Variants in ADGRA1 observed in about 807,000 individuals in gnomAD.
ADGRA1 encodes the protein G-protein coupled receptor 123.
ADGRA1 carries 12 observed loss-of-function variants against 21.3 expected under a neutral mutation model. The observed-to-expected ratio is 0.56, with a 90% CI of 0.36 to 0.91. The LOEUF (loss-of-function observed/expected upper bound fraction) is 0.91. Among genes scored for constraint, ADGRA1 ranks in the 40% least tolerant of loss-of-function variants. The probability of loss-of-function intolerance (pLI) is 0.01; values close to 1 mark genes in which losing one functional copy is unlikely to be tolerated. For missense variants in ADGRA1, 790 were observed against 805.6 expected (o/e 0.98, Z 0.23); for synonymous variants, 385 against 368.8 (o/e 1.04, Z -0.50).
In ADGRA1 at chr10:133,128,482, G is replaced by T; in HGVS notation, c.654G>T (p.Gln218His). The T allele has an allele frequency of 6.4e-7, 1 of 1,564,106 alleles. No individual in the cohort carries two copies. ...AGCTGCGCACACAGCCCGAGGAGCA[G>T]CGGCGGCTGGCGACACCCGAGGGCG... is the stretch of plus-strand genomic sequence containing the variant. ...RYELRTQPEE[Q>H]RRLATPEGGR... The change falls in exon 7 of 7, where the codon CAG (glutamine) becomes CAT (histidine). Residue 218 changes from glutamine (Q) to histidine (H), a missense_variant. This residue lies in a region of ADGRA1 where 382 missense variants were observed against 415.6 expected (regional missense o/e 0.92). Coordinates refer to ENST00000392607, the MANE Select transcript of ADGRA1 (RefSeq NM_001083909.3).
intron 5 of ADGRA1, among the ~76,000 whole-genome samples, chr10:133,119,539 G>A (rs1371084092): frequency 2.0e-5 from 3 of 152,192 alleles, no homozygotes; most frequent in African/African-American, 7.2e-5. Context: ...CTCAAACTCT[G>A]CCACGGCTTG....
intron 5 of ADGRA1, among the ~76,000 whole-genome samples, chr10:133,114,985 C>T (rs1410951197): frequency 2.0e-5 from 3 of 152,218 alleles, no homozygotes; most frequent in African/African-American, 2.4e-5. Flanking sequence ...CTCAGTGCAT[C>T]GAAGGCCCCC....
Position 133,128,850 on chromosome 10 carries a change from C to T in ADGRA1, c.1022C>T (p.Ala341Val). The T allele has an allele frequency of 6.3e-7, 1 of 1,586,394 alleles. No homozygotes were observed. The highest frequency in any genetic ancestry group is 1.3e-5 in the African/African-American group (1 of 74,288). The change falls in exon 7 of 7, where the codon GCC becomes GTC. Residue 341 changes from alanine (A) to valine (V), a missense_variant. Coordinates refer to ENST00000392607, the MANE Select transcript of ADGRA1 (RefSeq NM_001083909.3). The part of the protein sequence containing the change: ...LDANGAALGR[A>V]ACLHSPGLGQ... ...GCCAACGGGGCCGCGCTGGGCCGCG[C>T]CGCCTGCCTGCACTCGCCGGGACTG...
At chr10:133,088,660 T>A in intron 1 of ADGRA1, 48 bp from the exon 2 acceptor site, 1 of 1,172,618 alleles carries the variant, frequency 8.5e-7, no homozygotes, top group Non-Finnish European at 1.1e-6. Context: ...CGAGCTGCCC[T>A]CCGCGGGGAC....
chr10:133,128,995 C>T lies in ADGRA1; in HGVS notation c.1167C>T (p.Cys389=), dbSNP rs912367724. The change falls in exon 7 of 7, where the codon TGC becomes TGT. Residue 389 remains cysteine (C), a synonymous_variant. Coordinates refer to ENST00000392607, the MANE Select transcript of ADGRA1 (RefSeq NM_001083909.3). ...CCCCGTGCTGCGCCAAGATGCACTG[C>T]GAGCCACTGACGGCGGACGAGGCGC... ...PATPCCAKMH[C]EPLTADEAHV... is the part of the protein sequence containing the mutation. The T allele has an allele frequency of 5.7e-6, 9 of 1,566,434 alleles. No homozygotes were observed. Among genetic ancestry groups the T allele is most frequent in the South Asian group, 1.2e-5 (1 of 85,708 alleles).
At chr10:133,109,761 G>A (rs1344429908) in intron 5 of ADGRA1, among the ~76,000 whole-genome samples, 3 of 152,226 alleles carry the variant, frequency 2.0e-5, no homozygotes, top group African/African-American at 4.8e-5. Flanking sequence ...ACCAGAAAGA[G>A]ACAAACGGCA....
At chr10:133,121,902 G>A (rs1852274046) in intron 5 of ADGRA1, among the ~76,000 whole-genome samples, 1 of 147,898 alleles carries the variant, frequency 6.8e-6, no homozygotes, top group African/African-American at 2.5e-5. Context: ...GTGCGTGCAA[G>A]TGTGAGTGCC....
At chr10:133,090,481 A>T (rs1337686226) in intron 2 of ADGRA1, among the ~76,000 whole-genome samples, 1 of 152,190 alleles carries the variant, frequency 6.6e-6, no homozygotes, top group East Asian at 1.9e-4. Flanking sequence ...AAAATCTCTG[A>T]AAGTGTGAGG....
rs780675349 is a variant in ADGRA1 at position 133,127,229 on chromosome 10, G to T, written c.402-4G>T. The T allele has an allele frequency of 1.3e-6, 2 of 1,569,882 alleles. No homozygotes were observed. The highest frequency in any genetic ancestry group is 1.7e-6 in the Non-Finnish European group (2 of 1,160,364). ...AAGGGGGTCAACGCCTTCCTCCCCG[G>T]CAGGTTTTACCTCGTCAGCGGAGGG... On this transcript the variant is annotated splice_polypyrimidine_tract_variant and splice_region_variant and intron_variant, in intron 5 of 6. Coordinates refer to ENST00000392607, the MANE Select transcript of ADGRA1 (RefSeq NM_001083909.3).
chr10:133,111,108 AATCCTGCTGGC>A (rs1851983653), intron 5 of ADGRA1, among the ~76,000 whole-genome samples: 1 of 151,438 alleles, frequency 6.6e-6, no homozygotes, highest in East Asian at 1.9e-4. Context: ...CTCCCCTCCT[AATCCTGCTGGC>A]CACCTGCCCG....
chr10:133,105,841 G>A (rs1207248106), intron 5 of ADGRA1, among the ~76,000 whole-genome samples: 2 of 152,214 alleles, frequency 1.3e-5, no homozygotes, highest in East Asian at 1.9e-4. Context: ...CAGCCTCTGC[G>A]GCCCGAACGT....
intron 5 of ADGRA1, among the ~76,000 whole-genome samples, chr10:133,110,547 G>A (rs1002108146): frequency 2.6e-5 from 4 of 152,246 alleles, no homozygotes; most frequent in Non-Finnish European, 5.9e-5. Flanking sequence ...GCACAGGGTC[G>A]AATGTTCAGA....
Position 133,127,228 on chromosome 10 carries a change from G to A in ADGRA1, c.402-5G>A, listed in dbSNP as rs922494176. The stretch of plus-strand genomic sequence containing the variant: ...CAAGGGGGTCAACGCCTTCCTCCCC[G>A]GCAGGTTTTACCTCGTCAGCGGAGG... On this transcript the variant is annotated splice_polypyrimidine_tract_variant and splice_region_variant and intron_variant, in intron 5 of 6. Transcript: ENST00000392607. 46 of 1,568,668 alleles carry A rather than the reference G, an allele frequency of 2.9e-5. No individual in the cohort carries two copies. Among genetic ancestry groups the A allele is most frequent in the African/African-American group, 1.1e-4 (8 of 72,238 alleles).
intron 1 of ADGRA1, 188 bp from the exon 2 acceptor site, chr10:133,088,520 C>T (rs1044190998): frequency 4.1e-6 from 1 of 242,990 alleles, no homozygotes; most frequent in Middle Eastern, 1.3e-3. Context: ...GCCGCTGGCG[C>T]GTTCGGTCCG....
chr10:133,127,011 G>GC (rs1300209388), intron 5 of ADGRA1, among the ~76,000 whole-genome samples: 1 of 150,196 alleles, frequency 6.7e-6, no homozygotes, highest in Non-Finnish European at 1.5e-5. Flanking sequence ...CCTGGTCAGG[G>GC]CCCTCTCCAG....
At chr10:133,101,020 C>T (rs936788566) in intron 4 of ADGRA1, among the ~76,000 whole-genome samples, 7 of 152,352 alleles carry the variant, frequency 4.6e-5, no homozygotes, top group African/African-American at 9.6e-5. Context: ...CTCTGCGAGG[C>T]GAACAGAAGC....
chr10:133,088,789 C>A lies in ADGRA1; in HGVS notation c.-121C>A, dbSNP rs898474026. ...CCCGGGAGCGCGACCTCCTGGCCGC[C>A]GTCTGGGACTTTGACCTTCCAGAGG... On this transcript the variant is annotated 5_prime_UTR_variant, in exon 2 of 7. Transcript: ENST00000392607. 1.6e-6 allele frequency: 2 copies of A among 1,232,558 alleles called. No individual in the cohort carries two copies. The highest frequency in any genetic ancestry group is 1.5e-5 in the African/African-American group (1 of 64,548). 76.4% of individuals were successfully genotyped at this position (1,232,558 alleles called of 1,614,324 possible).
At chr10:133,099,555 T>C (rs1328832064) in intron 4 of ADGRA1, among the ~76,000 whole-genome samples, 1 of 152,040 alleles carries the variant, frequency 6.6e-6, no homozygotes, top group Non-Finnish European at 1.5e-5. Flanking sequence ...GACCTTGGTT[T>C]AAAAGGGGGG....
Position 133,129,858 on chromosome 10 carries a change from G to A in ADGRA1, c.*347G>A. Reference sequence around the variant, plus strand: ...GGGGCACCCTAGAGGCAGAGCAGGGGATTCCATCAAAGGACCCACTGAGAC... The same window carrying A: ...GGGGCACCCTAGAGGCAGAGCAGGGAATTCCATCAAAGGACCCACTGAGAC... On this transcript the variant is annotated 3_prime_UTR_variant, in exon 7 of 7. Transcript: ENST00000392607. 1 of 248,574 alleles carries A rather than the reference G, an allele frequency of 4.0e-6. No individual in the cohort carries two copies. 15.4% of individuals were successfully genotyped at this position (248,574 alleles called of 1,614,324 possible). A position where few individuals can be genotyped will look rare whatever the true frequency, so the allele number is the denominator to read the frequency against.
Sources: allele counts gnomAD v4.1 joint callset (sites outside exome capture counted in the v4.1 genomes callset), GRCh38; gene constraint gnomAD v4.1.1; regional missense constraint gnomAD v4.1.1; transcripts MANE v1.5; gene names NCBI Gene and HGNC (gene_info 2026-07-23, HGNC 2026-07-21).